The following PTPRG variants were observed in gnomAD, a reference collection of about 807,000 sequenced individuals.
PTPRG encodes the protein protein tyrosine phosphatase receptor type G.
PTPRG carries 102 observed loss-of-function variants against 165.3 expected under a neutral mutation model. That is an observed-to-expected ratio of 0.62 (90% confidence interval 0.53 to 0.73). PTPRG has a LOEUF of 0.73. PTPRG is among the 30% of genes least tolerant of loss of function. The pLI, the probability that PTPRG is intolerant of heterozygous loss-of-function variation, is 0.00. For missense variants in PTPRG, 1,866 were observed against 1,861.4 expected (o/e 1.00, Z -0.05); for synonymous variants, 675 against 669.5 (o/e 1.01, Z -0.13).
At chr3:61,788,405 A>G (rs1349467966) in intron 2 of PTPRG, among the ~76,000 whole-genome samples, 1 of 152,258 alleles carries the variant, frequency 6.6e-6, no homozygotes, top group Non-Finnish European at 1.5e-5. Flanking sequence ...ACTAGCACGT[A>G]TAACAACTAT....
intron 2 of PTPRG, among the ~76,000 whole-genome samples, chr3:61,846,939 A>G (rs924132930): frequency 5.3e-5 from 8 of 151,966 alleles, no homozygotes; most frequent in South Asian, 2.1e-4. Context: ...GAGGGACAAT[A>G]TTTTGCGACT....
chr3:62,038,029 A>G (rs941927184), intron 4 of PTPRG, among the ~76,000 whole-genome samples: 4 of 152,200 alleles, frequency 2.6e-5, no homozygotes, highest in Non-Finnish European at 5.9e-5. Flanking sequence ...TGTTGGAAGG[A>G]CATCCAGAAG....
At chr3:61,659,212 G>A in intron 1 of PTPRG, 1 of 693,732 alleles carries the variant, frequency 1.4e-6, no homozygotes, top group Non-Finnish European at 1.8e-6. Context: ...TATTCTTGTA[G>A]CTCCATAGCC....
At position 62,271,348 on chromosome 3, in the gene PTPRG, C is replaced by G; in HGVS notation, c.3010-35C>G. 6.5e-7 allele frequency: 1 copy of G among 1,538,888 alleles called. No individual in the cohort carries two copies. Among genetic ancestry groups the G allele is most frequent in the Non-Finnish European group, 8.8e-7 (1 of 1,133,078 alleles). ...ATTTTTTTCCAGAATGTCCACCCCC[C>G]CGCTTAAAGACATCTTTTTTCACTT... is the stretch of plus-strand genomic sequence containing the variant. On this transcript the variant is annotated intron_variant, in intron 20 of 29. Coordinates refer to ENST00000474889, the MANE Select transcript of PTPRG (RefSeq NM_002841.4). This position sits in a 1 kb window ranked among gnomAD's most constrained non-coding sequence, Gnocchi z 4.1.
Position 61,562,311 on chromosome 3 carries a change from TTGG to T in PTPRG, c.28_30del (p.Trp10del), listed in dbSNP as rs779010394. 6.2e-7 allele frequency: 1 copy of T among 1,613,734 alleles called. No homozygotes were observed. Among genetic ancestry groups the T allele is most frequent in the Non-Finnish European group, 8.5e-7 (1 of 1,179,708 alleles). On this transcript the variant is annotated inframe_deletion, in exon 1 of 30. Transcript: ENST00000474889. Reference sequence around the variant, plus strand: ...ACATGCGGAGGTTACTGGAACCGTGTTGGTGGATTTTGTTCCTGAAAATCACCA... The same window carrying T: ...ACATGCGGAGGTTACTGGAACCGTGTTGGATTTTGTTCCTGAAAATCACCA...
At position 62,217,139 on chromosome 3, in the gene PTPRG, G is replaced by A. The variant is rs1700532022; in HGVS notation, c.2156-1712G>A. On this transcript the variant is annotated intron_variant, in intron 12 of 29. Transcript: ENST00000474889. This position sits in a 1 kb window ranked among gnomAD's most constrained non-coding sequence, Gnocchi z 4.3. Reference sequence around the variant, plus strand: ...CTCGCACCAGGCCTGTGCACAGTAGGGGCTTGGTAAGAATCTCTCCTATCT... The same window carrying A: ...CTCGCACCAGGCCTGTGCACAGTAGAGGCTTGGTAAGAATCTCTCCTATCT... Among the ~76,000 whole-genome samples the A allele has an allele frequency of 6.6e-6, 1 of 152,164 alleles. No homozygotes were observed. The highest frequency in any genetic ancestry group is 6.5e-5 in the Admixed American group (1 of 15,282).
rs184492321 is a variant in PTPRG, at chr3:61,590,552, G to A, written c.85+28180G>A. ...AAAAAAAAGTATAATACATAAATAC[G>A]TTTTTTTCTTAGAACATTTCAACTA... On this transcript the variant is annotated intron_variant, in intron 1 of 29. Transcript: ENST00000474889. Among the ~76,000 whole-genome samples, 338 of 152,050 alleles carry A rather than the reference G, an allele frequency of 2.2e-3. 4 individuals are homozygous for A. Among genetic ancestry groups the A allele is most frequent in the African/African-American group, 7.7e-3 (320 of 41,498 alleles).
intron 1 of PTPRG, among the ~76,000 whole-genome samples, chr3:61,565,836 C>A (rs1028997509): frequency 6.6e-6 from 1 of 151,488 alleles, no homozygotes; most frequent in East Asian, 1.9e-4. Flanking sequence ...TTTGCATGTG[C>A]GGGCTTTAGT....
At chr3:62,124,419 T>C in intron 5 of PTPRG, 1 of 1,614,034 alleles carries the variant, frequency 6.2e-7, no homozygotes, top group Middle Eastern at 1.6e-4. Flanking sequence ...TGCTGCAGGA[T>C]TTCCATCTTG....
Position 62,288,157 on chromosome 3 carries a change from AC to A in PTPRG, c.4056-4263del, listed in dbSNP as rs1191585183. Among the ~76,000 whole-genome samples, 108 of 151,618 alleles carry A rather than the reference AC, an allele frequency of 7.1e-4. 2 individuals are homozygous for A. In the South Asian group the frequency reaches 0.019, roughly 26 times the overall value. ...ACTGTACTTAAAAAAAAAAAAAAAAACAGCCTGTGTAAACTCTACATATTAG... is the reference window on the plus strand; with the variant it reads ...ACTGTACTTAAAAAAAAAAAAAAAAAAGCCTGTGTAAACTCTACATATTAG... On this transcript the variant is annotated intron_variant, in intron 28 of 29. Coordinates refer to ENST00000474889, the MANE Select transcript of PTPRG (RefSeq NM_002841.4).
At chr3:61,835,860 G>C (rs542270551) in intron 2 of PTPRG, among the ~76,000 whole-genome samples, 7 of 151,532 alleles carry the variant, frequency 4.6e-5, no homozygotes, top group Non-Finnish European at 7.4e-5. Context: ...GGGCAACATG[G>C]TGAAACCCCA....
chr3:61,736,871 C>G (rs912550239), intron 1 of PTPRG, among the ~76,000 whole-genome samples: 1 of 152,198 alleles, frequency 6.6e-6, no homozygotes, highest in Non-Finnish European at 1.5e-5. Flanking sequence ...TGTAATTATA[C>G]TAAAAACCAT....
At chr3:62,115,478 G>C (rs530763077) in intron 5 of PTPRG, among the ~76,000 whole-genome samples, 4 of 152,290 alleles carry the variant, frequency 2.6e-5, no homozygotes, top group African/African-American at 9.6e-5. Context: ...AGGAAAGACC[G>C]TGAAACTCAT....
chr3:61,609,901 A>G (rs1701120452), intron 1 of PTPRG, among the ~76,000 whole-genome samples: 1 of 151,954 alleles, frequency 6.6e-6, no homozygotes, highest in African/African-American at 2.4e-5. Context: ...CAATTTACAC[A>G]GATTATTCTT....
chr3:62,278,769 A>C (rs1038903418), intron 26 of PTPRG, among the ~76,000 whole-genome samples: 3 of 152,004 alleles, frequency 2.0e-5, no homozygotes, highest in Non-Finnish European at 4.4e-5. Flanking sequence ...CTTAAACTAA[A>C]AGCTGGAGTG....
rs185683436 is a variant in PTPRG at position 62,172,139 on chromosome 3, C to A, written c.1033+3976C>A. 5.9e-5 allele frequency among the ~76,000 whole-genome samples: 9 copies of A among 152,256 alleles called. No individual in the cohort carries two copies. In the East Asian group the frequency reaches 9.7e-4, roughly 16 times the overall value. ...TGTGGAGGTGCCATGTTTTGTTTAT[C>A]CATTTATCAGTTAATGGACATTGAG... On this transcript the variant is annotated intron_variant, in intron 8 of 29. Coordinates refer to ENST00000474889, the MANE Select transcript of PTPRG (RefSeq NM_002841.4).
chr3:61,967,468 T>C (rs190632237), intron 2 of PTPRG, among the ~76,000 whole-genome samples: 89 of 152,312 alleles, frequency 5.8e-4, no homozygotes, highest in Middle Eastern at 6.8e-3. Flanking sequence ...TAACCCACCA[T>C]AGGAATGGTC....
intron 2 of PTPRG, among the ~76,000 whole-genome samples, chr3:61,819,599 G>A (rs560829811): frequency 6.6e-6 from 1 of 152,174 alleles, no homozygotes; most frequent in African/African-American, 2.4e-5. Context: ...CTACCTATAA[G>A]GTAGTTCTGC....
chr3:61,754,766 T>C lies in PTPRG; in HGVS notation c.190+5784T>C, dbSNP rs540346496. On this transcript the variant is annotated intron_variant, in intron 2 of 29. Transcript: ENST00000474889. ...ATATAATTAAATTCCTAAAATTACA[T>C]TTTCATGTCTATTTTTAAGAATGTC... Among the ~76,000 whole-genome samples the C allele has an allele frequency of 1.1e-3, 169 of 152,280 alleles. 1 individual carries two copies. Among genetic ancestry groups the C allele is most frequent in the Non-Finnish European group, 2.1e-3 (142 of 68,032 alleles).
Sources: allele counts gnomAD v4.1 joint callset (sites outside exome capture counted in the v4.1 genomes callset), GRCh38; gene constraint gnomAD v4.1.1; non-coding constraint Gnocchi (gnomAD v3.1); transcripts MANE v1.5; gene names NCBI Gene and HGNC (gene_info 2026-07-23, HGNC 2026-07-21).